MYO3B: variants seen among roughly 807,000 people sequenced by gnomAD.
MYO3B encodes myosin IIIB, also known as myosin-IIIb.
Under a neutral mutation model 174.6 loss-of-function variants are expected in MYO3B, and 156 were observed. That is an observed-to-expected ratio of 0.89 (90% CI 0.78 to 1.02). MYO3B has a LOEUF of 1.02. Among genes scored for constraint, MYO3B ranks in the 50% least tolerant of loss-of-function variants. The pLI is 0.00. For missense variants in MYO3B, 1,632 were observed against 1,639.4 expected (o/e 1.00, Z 0.08); for synonymous variants, 563 against 569.1 (o/e 0.99, Z 0.15).
chr2:170,435,289 C>G (rs956309832), intron 22 of MYO3B, among the ~76,000 whole-genome samples: 9 of 152,100 alleles, frequency 5.9e-5, no homozygotes. Flanking sequence ...GGGTAAGGAT[C>G]ATAGTGCAGC....
chr2:170,646,220 G>A (rs982807929), intron 32 of MYO3B, among the ~76,000 whole-genome samples: 7 of 150,162 alleles, frequency 4.7e-5, no homozygotes, highest in Non-Finnish European at 8.9e-5. Flanking sequence ...GCGGTGAGCC[G>A]AGATCACGCC....
At position 170,579,899 on chromosome 2, in the gene MYO3B, GCCA is replaced by G. The variant is rs538165223; in HGVS notation, c.3733+35913_3733+35915del. Among the ~76,000 whole-genome samples, 362 of 152,356 alleles carry G rather than the reference GCCA, an allele frequency of 2.4e-3. 2 individuals carry two copies. The highest frequency in any genetic ancestry group is 0.014 in the Middle Eastern group (4 of 294). The stretch of plus-strand genomic sequence containing the variant: ...TGAAGGTTCTGCTCCTTGTTCAGGG[GCCA>G]CAGCCCAGGCTGCTCTGGGAACCCT... On this transcript the variant is annotated intron_variant, in intron 32 of 34. Transcript: ENST00000408978.
rs779255278 is a variant in MYO3B, at chr2:170,423,821, C to T, written c.2650+15977C>T. ...GTCTTGGTCTCTTTACTTCGTGATC[C>T]GCCTGCCTTGGCCTCCCAAATTACT... On this transcript the variant is annotated intron_variant, in intron 22 of 34. Coordinates refer to ENST00000408978, the MANE Select transcript of MYO3B (RefSeq NM_138995.5). Among the ~76,000 whole-genome samples the T allele has an allele frequency of 7.2e-5, 11 of 152,244 alleles. No individual in the cohort carries two copies. The East Asian group carries it at 1.7e-3, about 24-fold the overall frequency.
At chr2:170,539,269 G>A (rs1220242570) in intron 30 of MYO3B, among the ~76,000 whole-genome samples, 1 of 152,164 alleles carries the variant, frequency 6.6e-6, no homozygotes, top group Non-Finnish European at 1.5e-5. Flanking sequence ...TATCCAGCTT[G>A]TCCCTCTATG....
intron 30 of MYO3B, among the ~76,000 whole-genome samples, chr2:170,532,709 G>T (rs978148442): frequency 6.6e-6 from 1 of 151,808 alleles, no homozygotes; most frequent in African/African-American, 2.4e-5. Context: ...CCAGCTACTC[G>T]GGAGGCTGAG....
At chr2:170,260,120 G>T (rs1280269697) in intron 7 of MYO3B, among the ~76,000 whole-genome samples, 2 of 152,158 alleles carry the variant, frequency 1.3e-5, no homozygotes, top group Non-Finnish European at 2.9e-5. Context: ...CTATTGATGG[G>T]AATGTAAATT....
chr2:170,317,640 G>A (rs1377347104), intron 7 of MYO3B, among the ~76,000 whole-genome samples: 2 of 152,142 alleles, frequency 1.3e-5, no homozygotes, highest in African/African-American at 4.8e-5. Flanking sequence ...GTGAAAGACC[G>A]GAGGTTGCTA....
At chr2:170,546,865 G>T (rs961260556) in intron 32 of MYO3B, among the ~76,000 whole-genome samples, 1 of 152,154 alleles carries the variant, frequency 6.6e-6, no homozygotes, top group Non-Finnish European at 1.5e-5. Context: ...CTTCTAACTT[G>T]CAGTGAGGCC....
intron 7 of MYO3B, 149 bp downstream of exon 7, chr2:170,236,285 G>T (rs1294581802): frequency 6.7e-6 from 6 of 899,670 alleles, no homozygotes; most frequent in Non-Finnish European, 8.4e-6. Flanking sequence ...AAGGGGGGCT[G>T]GGGGGGACAG....
At chr2:170,460,965 CTT>C (rs1559023266) in intron 23 of MYO3B, among the ~76,000 whole-genome samples, 1 of 152,166 alleles carries the variant, frequency 6.6e-6, no homozygotes, top group Non-Finnish European at 1.5e-5. Context: ...GGTCACTAAA[CTT>C]AAATTCTCAA....
chr2:170,252,693 TA>T (rs1350469100), intron 7 of MYO3B, among the ~76,000 whole-genome samples: 2 of 151,692 alleles, frequency 1.3e-5, no homozygotes, highest in Non-Finnish European at 2.9e-5. Flanking sequence ...TGAAGAAAAA[TA>T]AAATGAGATA....
chr2:170,286,156 G>T (rs530403669), intron 7 of MYO3B, among the ~76,000 whole-genome samples: 24 of 152,326 alleles, frequency 1.6e-4, no homozygotes, highest in African/African-American at 5.1e-4. Flanking sequence ...GCCACATCAT[G>T]AAGTGTGGTC....
At chr2:170,588,863 A>C (rs942257482) in intron 32 of MYO3B, among the ~76,000 whole-genome samples, 1 of 152,216 alleles carries the variant, frequency 6.6e-6, no homozygotes, top group African/African-American at 2.4e-5. Flanking sequence ...GTCACCAAAG[A>C]ATCTATGAAT....
chr2:170,374,192 G>C (rs185998386), intron 9 of MYO3B, among the ~76,000 whole-genome samples: 87 of 152,334 alleles, frequency 5.7e-4, no homozygotes, highest in African/African-American at 1.9e-3. Flanking sequence ...CTTCAGGCTA[G>C]AGACTGACTT....
At chr2:170,560,056 G>C (rs1691605459) in intron 32 of MYO3B, among the ~76,000 whole-genome samples, 1 of 152,162 alleles carries the variant, frequency 6.6e-6, no homozygotes, top group African/African-American at 2.4e-5. Context: ...ATCTAATAAA[G>C]TTTAGCTGCT....
intron 7 of MYO3B, among the ~76,000 whole-genome samples, chr2:170,329,649 C>T (rs1163462742): frequency 2.6e-5 from 4 of 151,822 alleles, no homozygotes; most frequent in Non-Finnish European, 2.9e-5. Context: ...CTGCCTTGGC[C>T]TCCCAAAGTG....
intron 25 of MYO3B, among the ~76,000 whole-genome samples, chr2:170,468,814 G>A (rs1206527845): frequency 1.3e-5 from 2 of 152,142 alleles, no homozygotes; most frequent in Non-Finnish European, 2.9e-5. Flanking sequence ...TCTACAGAGG[G>A]CAAACACATA....
At chr2:170,288,609 G>T (rs1382133263) in intron 7 of MYO3B, among the ~76,000 whole-genome samples, 1 of 151,916 alleles carries the variant, frequency 6.6e-6, no homozygotes, top group Non-Finnish European at 1.5e-5. Flanking sequence ...AGATATAACA[G>T]TTTTTTTGGT....
intron 32 of MYO3B, among the ~76,000 whole-genome samples, chr2:170,551,361 T>A (rs1011612631): frequency 7.2e-6 from 1 of 139,242 alleles, no homozygotes. Context: ...TATTTATTTA[T>A]TTATTTATTT....
Sources: gnomAD v4.1 joint callset for allele counts (sites outside exome capture counted in the v4.1 genomes callset) on GRCh38, gnomAD v4.1.1 for gene constraint, MANE v1.5 for transcripts, NCBI Gene and HGNC (gene_info 2026-07-23, HGNC 2026-07-21) for gene names.